TXLNG: variants seen among roughly 807,000 people sequenced by gnomAD.
TXLNG encodes taxilin gamma.
A neutral mutation model predicts 38.8 loss-of-function variants in TXLNG; 5 were observed. The ratio of observed to expected loss-of-function variants is 0.13; its 90% CI spans 0.07 to 0.27. The LOEUF (loss-of-function observed/expected upper bound fraction) is 0.27. Ranked by LOEUF, TXLNG falls within the 10% of genes least tolerant of loss-of-function variation. The pLI, the probability that TXLNG is intolerant of heterozygous loss-of-function variation, is 1.00. For synonymous variants in TXLNG, 182 were observed against 158.2 expected (o/e 1.15, Z -1.13); for missense variants, 393 against 398.2 (o/e 0.99, Z 0.11).
Position 16,829,757 on chromosome X carries a change from C to T in TXLNG, c.851C>T (p.Ala284Val). The change falls in exon 5 of 10, where the codon GCA becomes GTA. Residue 284 changes from alanine (A) to valine (V), a missense_variant. Ala to Val is a moderately conservative substitution (Grantham distance 64). Transcript: ENST00000380122. ...CTAAAGAAGCTCATCGAACAGTACG[C>T]ACTGAGGGAAGAGGTAATGGCATTT... ...EKLKKLIEQYALREEHIDKVF... is the reference protein window; with the variant it reads ...EKLKKLIEQYVLREEHIDKVF... The T allele has an allele frequency of 8.3e-7, 1 of 1,207,714 alleles. No individual in the cohort carries two copies. Among genetic ancestry groups the T allele is most frequent in the Non-Finnish European group, 1.1e-6 (1 of 893,402 alleles).
chrX:16,821,617 A>G lies in TXLNG; in HGVS notation c.498+1362A>G, dbSNP rs983182359. ...AGGTGAATTATCATGTACAATTTAT[A>G]TGCATCTTCATCTGTTAAAACAGTT... On this transcript the variant is annotated intron_variant, in intron 3 of 9. Transcript: ENST00000380122. 2.7e-5 allele frequency among the ~76,000 whole-genome samples: 3 copies of G among 112,779 alleles called. No homozygotes were observed. In the Admixed American group the frequency reaches 2.8e-4, roughly 11 times the overall value.
At chrX:16,809,935 G>A (rs896069699) in intron 1 of TXLNG, among the ~76,000 whole-genome samples, 5 of 112,108 alleles carry the variant, frequency 4.5e-5, no homozygotes, top group Non-Finnish European at 9.4e-5. Flanking sequence ...GGAGAAGGAT[G>A]TTTGAACAGT....
At chrX:16,838,757 G>A (rs1282778259) in intron 8 of TXLNG, among the ~76,000 whole-genome samples, 2 of 111,910 alleles carry the variant, frequency 1.8e-5, no homozygotes, top group Non-Finnish European at 3.8e-5. Flanking sequence ...ATAGCTGGAC[G>A]CCAGCACAGA....
Position 16,791,466 on chromosome X carries a change from A to T in TXLNG, c.102+4877A>T, listed in dbSNP as rs149618870. Among the ~76,000 whole-genome samples the T allele has an allele frequency of 7.9e-3, 896 of 112,758 alleles. 8 individuals are homozygous for T. The highest frequency in any genetic ancestry group is 0.027 in the African/African-American group (844 of 31,118). On this transcript the variant is annotated intron_variant, in intron 1 of 9. Transcript: ENST00000380122. ...TTTTTTTCTTTTACTGGGATCAAAT[A>T]GGACAAGCAGTAATGAGAACAAACC...
intron 7 of TXLNG, 93 bp downstream of exon 7, chrX:16,834,450 C>T: frequency 1.2e-6 from 1 of 801,410 alleles, no homozygotes; most frequent in Non-Finnish European, 1.8e-6. Context: ...GATGGTTTTG[C>T]TTTTTGCTTT....
At chrX:16,807,161 A>T (rs1480731723) in intron 1 of TXLNG, among the ~76,000 whole-genome samples, 3 of 111,516 alleles carry the variant, frequency 2.7e-5, no homozygotes, top group African/African-American at 9.8e-5. Context: ...ATCACTTCAA[A>T]TTATTTGAAG....
rs983231849 is a variant in TXLNG, at chrX:16,811,705, C to T, written c.103-6869C>T. On this transcript the variant is annotated intron_variant, in intron 1 of 9. Coordinates refer to ENST00000380122, the MANE Select transcript of TXLNG (RefSeq NM_018360.3). ...AGGCTGGAGTGCAGTGACCCGATCTCGGCTCAGTGCAACCTCTGCTTCCCG... is the reference window on the plus strand; with the variant it reads ...AGGCTGGAGTGCAGTGACCCGATCTTGGCTCAGTGCAACCTCTGCTTCCCG... 4.8e-5 allele frequency among the ~76,000 whole-genome samples: 5 copies of T among 104,836 alleles called. No homozygotes were observed. The South Asian group carries it at 1.3e-3, about 28-fold the overall frequency. The allele number at this position is 104,836 out of a possible 115,157, so 91.0% of individuals were successfully genotyped here.
intron 1 of TXLNG, among the ~76,000 whole-genome samples, chrX:16,791,170 A>AC (rs1190886108): frequency 1.8e-5 from 2 of 111,929 alleles, no homozygotes; most frequent in Non-Finnish European, 3.8e-5. Flanking sequence ...TTAGGGTGCT[A>AC]ATTTTGTAAA....
rs1419690715 is a variant in TXLNG, at chrX:16,791,043, A to G, written c.102+4454A>G. Among the ~76,000 whole-genome samples the G allele has an allele frequency of 2.5e-4, 28 of 112,036 alleles. No individual in the cohort carries two copies. In the Admixed American group the frequency reaches 2.6e-3, roughly 10 times the overall value. On this transcript the variant is annotated intron_variant, in intron 1 of 9. Transcript: ENST00000380122. ...AGAGGGGATAATGCTCATACCTACC[A>G]CAGGGGATTACTGTGAAGAAGGAGT...
Position 16,834,333 on chromosome X carries a change from G to C in TXLNG, c.1035G>C (p.Gln345His). 8.3e-7 allele frequency: 1 copy of C among 1,208,473 alleles called. No homozygotes were observed. Among genetic ancestry groups the C allele is most frequent in the Non-Finnish European group, 1.1e-6 (1 of 893,699 alleles). Residue 345 changes from glutamine to histidine, a missense_variant, in exon 7 of 10, where the codon CAG becomes CAC. By Grantham distance (24) the Gln-to-His change is conservative (BLOSUM62 0). Transcript: ENST00000380122. ...ESRHKYEQMK[Q>H]QEVQLKQQLS... ...GGCACAAATACGAACAAATGAAACA[G>C]CAAGAAGTACAACTAAAACAGCAGG...
chrX:16,793,298 C>G (rs934182140), intron 1 of TXLNG, among the ~76,000 whole-genome samples: 14 of 110,978 alleles, frequency 1.3e-4, no homozygotes, highest in Non-Finnish European at 3.8e-5. Flanking sequence ...CATTTTATTA[C>G]TTGAAGGAAA....
At chrX:16,802,168 A>G (rs1374184543) in intron 1 of TXLNG, among the ~76,000 whole-genome samples, 5 of 103,209 alleles carry the variant, frequency 4.8e-5, no homozygotes, top group Non-Finnish European at 9.8e-5. Context: ...TGTTGGTCAG[A>G]CTGGTCTTGA....
Position 16,787,808 on chromosome X carries a change from CTT to C in TXLNG, c.102+1220_102+1221del, listed in dbSNP as rs201953640. On this transcript the variant is annotated intron_variant, in intron 1 of 9. Transcript: ENST00000380122. ...TTACTTAATTATGTATTTGAACACT[CTT>C]AACTCCTGTATGAAATTACGAAATA... Among the ~76,000 whole-genome samples the C allele has an allele frequency of 7.9e-3, 882 of 112,078 alleles. 13 individuals are homozygous for C. Among genetic ancestry groups the C allele is most frequent in the African/African-American group, 0.028 (855 of 30,848 alleles).
At position 16,841,999 on chromosome X, in the gene TXLNG, T is replaced by A; in HGVS notation, c.*233T>A. 2.5e-6 allele frequency: 1 copy of A among 395,037 alleles called. No individual in the cohort carries two copies. The highest frequency in any genetic ancestry group is 4.4e-6 in the Non-Finnish European group (1 of 228,875). The allele number at this position is 395,037 out of a possible 1,213,427, so 32.6% of individuals were successfully genotyped here. On this transcript the variant is annotated 3_prime_UTR_variant, in exon 10 of 10. Coordinates refer to ENST00000380122, the MANE Select transcript of TXLNG (RefSeq NM_018360.3). Reference sequence around the variant, plus strand: ...CAGCCTCGTTCTCCCTCCACTGGAATGCATGTGTTCATTGCCTTGTCCTTT... The same window carrying A: ...CAGCCTCGTTCTCCCTCCACTGGAAAGCATGTGTTCATTGCCTTGTCCTTT...
chrX:16,817,285 A>G (rs1928780434), intron 1 of TXLNG, among the ~76,000 whole-genome samples: 1 of 112,410 alleles, frequency 8.9e-6, no homozygotes, highest in South Asian at 3.6e-4. Context: ...GAGTAGAGTT[A>G]ACTGGGTTAG....
At chrX:16,790,011 T>A (rs1927647305) in intron 1 of TXLNG, among the ~76,000 whole-genome samples, 1 of 110,508 alleles carries the variant, frequency 9.0e-6, no homozygotes, top group African/African-American at 3.3e-5. Context: ...TTGGTCAGGC[T>A]AGTCTCAAAC....
Position 16,841,892 on chromosome X carries a change from T to A in TXLNG, c.*126T>A. The A allele has an allele frequency of 1.3e-6, 1 of 758,481 alleles. No individual in the cohort carries two copies. The highest frequency in any genetic ancestry group is 2.8e-5 in the South Asian group (1 of 36,064). The allele number at this position is 758,481 out of a possible 1,213,427, so 62.5% of individuals were successfully genotyped here. ...TACCATATCTGTATTTTCTTAGAAC[T>A]ACTGGACTTATGTGGTACAGGAGGC... On this transcript the variant is annotated 3_prime_UTR_variant, in exon 10 of 10. Coordinates refer to ENST00000380122, the MANE Select transcript of TXLNG (RefSeq NM_018360.3).
At chrX:16,833,374 C>A (rs1929480492) in intron 6 of TXLNG, among the ~76,000 whole-genome samples, 1 of 111,968 alleles carries the variant, frequency 8.9e-6, no homozygotes, top group Non-Finnish European at 1.9e-5. Flanking sequence ...GCAAATTCAG[C>A]TAAGTGCTTA....
rs763577003 is a variant in TXLNG at position 16,828,155 on chromosome X, T to C, written c.560T>C (p.Ile187Thr). 2 of 1,210,818 alleles carry C rather than the reference T, an allele frequency of 1.7e-6. No individual in the cohort carries two copies. The highest frequency in any genetic ancestry group is 2.2e-6 in the Non-Finnish European group (2 of 894,950). The stretch of plus-strand genomic sequence containing the variant: ...ATCCTGCAGAAGAAGCAAGCCCAGA[T>C]TGTGAAAGAGAAAGTTCACTTGCAG... ...MKILQKKQAQ[I>T]VKEKVHLQSE... Residue 187 changes from isoleucine (I) to threonine (T), a missense_variant, in exon 4 of 10, where the codon ATT becomes ACT. By Grantham distance (89) the Ile-to-Thr change is moderately conservative (BLOSUM62 -1). Coordinates refer to ENST00000380122, the MANE Select transcript of TXLNG (RefSeq NM_018360.3).
Sources: allele counts gnomAD v4.1 joint callset (sites outside exome capture counted in the v4.1 genomes callset), GRCh38; gene constraint gnomAD v4.1.1; transcripts MANE v1.5; gene names NCBI Gene and HGNC (gene_info 2026-07-23, HGNC 2026-07-21).